The following PRTG variants were observed in gnomAD, a reference collection of about 807,000 sequenced individuals.
PRTG encodes immunoglobulin superfamily, DCC subclass, member 5.
PRTG carries 67 observed loss-of-function variants against 122.5 expected under a neutral mutation model. That is an observed-to-expected ratio of 0.55 (90% CI 0.45 to 0.67). The LOEUF is 0.67. Among genes scored for constraint, PRTG ranks in the 30% least tolerant of loss-of-function variants. The pLI is 0.00. For synonymous variants in PRTG, 554 were observed against 501.1 expected, an observed-to-expected ratio of 1.11 and a Z score of -1.41; for missense variants, 1,435 against 1,415.4, an observed-to-expected ratio of 1.01 and a Z score of -0.22.
chr15:55,677,017 T>C (rs964875858), intron 8 of PRTG, among the ~76,000 whole-genome samples: 1 of 152,220 alleles, frequency 6.6e-6, no homozygotes, highest in Non-Finnish European at 1.5e-5. Flanking sequence ...TTTTAACGTA[T>C]ATTCCATAAA....
intron 11 of PRTG, chr15:55,655,385 T>C (rs1249484382): frequency 6.6e-6 from 1 of 152,142 alleles, no homozygotes; most frequent in African/African-American, 2.4e-5. Flanking sequence ...AAATTAAGCA[T>C]ATAGAATTAA....
At chr15:55,669,948 T>A (rs1170158706) in intron 11 of PRTG, among the ~76,000 whole-genome samples, 1 of 152,196 alleles carries the variant, frequency 6.6e-6, no homozygotes, top group East Asian at 1.9e-4. Context: ...TTAAATGGAT[T>A]TACCTCAAAT....
intron 11 of PRTG, among the ~76,000 whole-genome samples, chr15:55,642,085 A>G (rs2059293997): frequency 3.4e-5 from 5 of 148,496 alleles, no homozygotes; most frequent in African/African-American, 1.3e-4. Context: ...GAGGCAGGAG[A>G]ATGGCGTGAA....
At chr15:55,666,419 G>A (rs1461274074) in intron 11 of PRTG, among the ~76,000 whole-genome samples, 1 of 152,030 alleles carries the variant, frequency 6.6e-6, no homozygotes, top group Non-Finnish European at 1.5e-5. Context: ...ACAAACATTG[G>A]GTCCAAAACA....
chr15:55,680,324 A>T (rs1444010625), intron 5 of PRTG, 112 bp from the exon 6 acceptor site: 4 of 1,127,004 alleles, frequency 3.5e-6, no homozygotes, highest in Non-Finnish European at 5.0e-6. Context: ...TAAATATAAA[A>T]TTCTCCATGT....
intron 16 of PRTG, 105 bp from the exon 17 acceptor site, chr15:55,627,233 A>G: frequency 1.5e-6 from 1 of 681,342 alleles, no homozygotes. Context: ...ATCTCATAGG[A>G]AAAGTTTTGA....
At chr15:55,627,187 A>T in intron 16 of PRTG, 59 bp from the exon 17 acceptor site, 1 of 1,333,628 alleles carries the variant, frequency 7.5e-7, no homozygotes, top group Non-Finnish European at 1.0e-6. Context: ...TTTAATTTAT[A>T]ATTCTCAGGT....
intron 11 of PRTG, chr15:55,656,243 A>T (rs984415029): frequency 2.3e-6 from 1 of 430,880 alleles, no homozygotes; most frequent in African/African-American, 2.0e-5. Flanking sequence ...TCCATCTAGA[A>T]CTGTCTCCTG....
At chr15:55,720,145 G>A (rs1368731667) in intron 2 of PRTG, among the ~76,000 whole-genome samples, 4 of 151,962 alleles carry the variant, frequency 2.6e-5, no homozygotes, top group African/African-American at 7.3e-5. Context: ...TTGGGAGGCC[G>A]AGGCAGGCGG....
At chr15:55,654,622 G>A (rs1397780968) in intron 11 of PRTG, among the ~76,000 whole-genome samples, 2 of 152,174 alleles carry the variant, frequency 1.3e-5, no homozygotes, top group Non-Finnish European at 2.9e-5. Flanking sequence ...TCATGCTACT[G>A]TACTTGGCTT....
At chr15:55,620,547 C>T in intron 19 of PRTG, 116 bp downstream of exon 19, 2 of 1,397,132 alleles carry the variant, frequency 1.4e-6, no homozygotes, top group East Asian at 2.4e-5. Context: ...AATAAAATCA[C>T]AGCCATGAAG....
intron 3 of PRTG, among the ~76,000 whole-genome samples, chr15:55,682,711 C>T (rs1398602105): frequency 1.3e-5 from 2 of 151,824 alleles, no homozygotes; most frequent in Non-Finnish European, 1.5e-5. Flanking sequence ...ATTACAGGTG[C>T]GCCACCATGC....
At chr15:55,649,456 TACAACA>T (rs1185810683) in intron 11 of PRTG, among the ~76,000 whole-genome samples, 3 of 151,862 alleles carry the variant, frequency 2.0e-5, no homozygotes, top group East Asian at 1.9e-4. Flanking sequence ...AGGGCTTGAG[TACAACA>T]ACAACAACAA....
At chr15:55,697,475 A>G (rs757921373) in intron 2 of PRTG, among the ~76,000 whole-genome samples, 1 of 152,148 alleles carries the variant, frequency 6.6e-6, no homozygotes, top group African/African-American at 2.4e-5. Context: ...TTTGGCTGTT[A>G]TAACTCTACC....
chr15:55,690,652 TA>T (rs987572768), intron 2 of PRTG, among the ~76,000 whole-genome samples: 2 of 151,210 alleles, frequency 1.3e-5, no homozygotes, highest in African/African-American at 4.9e-5. Flanking sequence ...TTACAAAATT[TA>T]AAAAAAAATG....
At chr15:55,710,015 T>C (rs1293424616) in intron 2 of PRTG, among the ~76,000 whole-genome samples, 1 of 152,130 alleles carries the variant, frequency 6.6e-6, no homozygotes, top group Non-Finnish European at 1.5e-5. Flanking sequence ...CTCAATAACA[T>C]TTTTTAAATC....
intron 2 of PRTG, among the ~76,000 whole-genome samples, chr15:55,700,979 T>G (rs1397664423): frequency 6.6e-6 from 1 of 152,164 alleles, no homozygotes; most frequent in Non-Finnish European, 1.5e-5. Flanking sequence ...GAACAGATAC[T>G]TTAACAAGGA....
chr15:55,625,626 C>CT (rs562628240), intron 17 of PRTG, among the ~76,000 whole-genome samples: 19,259 of 140,248 alleles, frequency 0.14, 1,826 homozygotes, highest in African/African-American at 0.27. Context: ...CTAATTTTAA[C>CT]TTTTTTTTTT....
chr15:55,629,137 G>A (rs2059211653), intron 15 of PRTG, 133 bp from the exon 16 acceptor site: 6 of 532,506 alleles, frequency 1.1e-5, no homozygotes, highest in Non-Finnish European at 1.9e-5. Flanking sequence ...AGAACATTTA[G>A]AAAATAAAAA....
Sources: gnomAD v4.1 joint callset for allele counts (sites outside exome capture counted in the v4.1 genomes callset) on GRCh38, gnomAD v4.1.1 for gene constraint, MANE v1.5 for transcripts, NCBI Gene and HGNC (gene_info 2026-07-23, HGNC 2026-07-21) for gene names.